HACE1: variants seen among roughly 807,000 people sequenced by gnomAD.
HACE1 encodes the protein HECT domain and ankyrin repeat containing E3 ubiquitin protein ligase 1.
Under a neutral mutation model 118.4 loss-of-function variants are expected in HACE1, and 73 were observed. The ratio of observed to expected loss-of-function variants is 0.62; its 90% CI spans 0.51 to 0.75. HACE1 has a LOEUF of 0.75. HACE1 is among the 30% of genes least tolerant of loss of function. The pLI is 0.00. For missense variants in HACE1, 749 were observed against 1,102.2 expected (o/e 0.68, Z 4.54); for synonymous variants, 368 against 374.8 (o/e 0.98, Z 0.21).
intron 22 of HACE1, among the ~76,000 whole-genome samples, chr6:104,739,097 A>C (rs1314111756): frequency 6.6e-6 from 1 of 151,982 alleles, no homozygotes; most frequent in South Asian, 2.1e-4. Flanking sequence ...GAAATAAAAT[A>C]CTTTACAGAC....
intron 19 of HACE1, among the ~76,000 whole-genome samples, chr6:104,756,478 C>A (rs956136204): frequency 4.0e-5 from 6 of 150,056 alleles, no homozygotes; most frequent in African/African-American, 1.5e-4. Context: ...ATTAAAGTCA[C>A]AAACTAGTTA....
At chr6:104,747,266 T>G (rs1270714372) in intron 20 of HACE1, among the ~76,000 whole-genome samples, 1 of 152,126 alleles carries the variant, frequency 6.6e-6, no homozygotes, top group Non-Finnish European at 1.5e-5. Flanking sequence ...CGATTCAGTG[T>G]TTTTATATTC....
chr6:104,730,333 G>T lies in HACE1; in HGVS notation c.2597C>A (p.Thr866Asn). The T allele has an allele frequency of 6.3e-7, 1 of 1,577,702 alleles. No individual in the cohort carries two copies. Among genetic ancestry groups the T allele is most frequent in the Non-Finnish European group, 8.7e-7 (1 of 1,146,762 alleles). ...QNFTIAAVPY[T>N]PNLLPTSSTC... ...GCTTGAAGTTGGTAAAAGATTTGGA[G>T]TATATGGCACAGCAGCGATTGTAAA... Residue 866 changes from threonine (T) to asparagine (N), a missense_variant, in exon 23 of 24, where the codon ACT becomes AAT. Thr to Asn is a moderately conservative substitution (Grantham distance 65). This residue lies in a region of HACE1 where 165 missense variants were observed against 229.9 expected (regional missense o/e 0.72). Coordinates refer to ENST00000262903, the MANE Select transcript of HACE1 (RefSeq NM_020771.4).
At chr6:104,845,564 T>G (rs1330310475) in intron 4 of HACE1, among the ~76,000 whole-genome samples, 1 of 147,182 alleles carries the variant, frequency 6.8e-6, no homozygotes, top group East Asian at 2.1e-4. Context: ...TGCAAGCTCC[T>G]CCTCCCAGGT....
intron 22 of HACE1, among the ~76,000 whole-genome samples, chr6:104,741,896 C>G (rs1776761326): frequency 6.6e-6 from 1 of 151,300 alleles, no homozygotes; most frequent in African/African-American, 2.4e-5. Context: ...CATCACACTA[C>G]CTGACTTCAA....
In HACE1 at chr6:104,849,364, T is replaced by C. The variant is rs904268166; in HGVS notation, c.222-118A>G. The C allele has an allele frequency of 6.8e-6, 5 of 734,214 alleles. No individual in the cohort carries two copies. In the African/African-American group the frequency reaches 8.7e-5, roughly 13 times the overall value. The allele number at this position is 734,214 out of a possible 1,614,324, so 45.5% of individuals were successfully genotyped here. On this transcript the variant is annotated intron_variant, in intron 3 of 23. Coordinates refer to ENST00000262903, the MANE Select transcript of HACE1 (RefSeq NM_020771.4). The stretch of plus-strand genomic sequence containing the variant: ...AATTTTCTTTTTGTTTTTCAGACAG[T>C]CTTGCTCTGTCGCCCATGCTGGAGT...
At chr6:104,758,825 T>C (rs558668376) in intron 19 of HACE1, among the ~76,000 whole-genome samples, 18 of 150,712 alleles carry the variant, frequency 1.2e-4, no homozygotes, top group East Asian at 2.0e-4. Flanking sequence ...AAGACACACA[T>C]AGGCTCAACA....
intron 6 of HACE1, among the ~76,000 whole-genome samples, chr6:104,818,142 A>G (rs1772307870): frequency 1.3e-5 from 2 of 152,186 alleles, no homozygotes; most frequent in Admixed American, 6.5e-5. Context: ...TATGTAATAA[A>G]AACACTGTTA....
intron 4 of HACE1, among the ~76,000 whole-genome samples, chr6:104,848,306 A>G (rs1386050869): frequency 4.0e-5 from 6 of 151,712 alleles, no homozygotes; most frequent in African/African-American, 1.4e-4. Context: ...AAATACAAAA[A>G]TTAGCTGGAC....
At chr6:104,760,385 G>T (rs1347822951) in intron 19 of HACE1, among the ~76,000 whole-genome samples, 7 of 152,142 alleles carry the variant, frequency 4.6e-5, no homozygotes, top group Non-Finnish European at 1.0e-4. Flanking sequence ...ATGCAAGGCT[G>T]GTTCAACATA....
chr6:104,759,257 C>T (rs1339214939), intron 19 of HACE1, among the ~76,000 whole-genome samples: 1 of 152,160 alleles, frequency 6.6e-6, no homozygotes, highest in East Asian at 1.9e-4. Context: ...TTCTTCTCAG[C>T]ACCACATCGC....
Position 104,785,141 on chromosome 6 carries a change from T to C in HACE1, c.1253A>G (p.Asn418Ser). The change falls in exon 12 of 24, where the codon AAT (asparagine) becomes AGT (serine). Residue 418 changes from asparagine (N) to serine (S), a missense_variant. Transcript: ENST00000262903. Reference sequence around the variant, plus strand: ...AGATTCCCTTGTGCCAGTGGACAGATTTTCATAGCTCCCAGGTCCTGGAGG... The same window carrying C: ...AGATTCCCTTGTGCCAGTGGACAGACTTTCATAGCTCCCAGGTCCTGGAGG... ...FEPPGPGSYE[N>S]LSTGTRESKP... 1 of 1,614,004 alleles carries C rather than the reference T, an allele frequency of 6.2e-7. No individual in the cohort carries two copies. The highest frequency in any genetic ancestry group is 2.2e-5 in the East Asian group (1 of 44,872).
intron 22 of HACE1, among the ~76,000 whole-genome samples, chr6:104,733,772 G>A (rs1775471524): frequency 6.6e-6 from 1 of 151,210 alleles, no homozygotes; most frequent in Admixed American, 6.6e-5. Flanking sequence ...CCCAGAAGGT[G>A]GAAGTTGCAG....
chr6:104,846,860 TAAA>T (rs1190749395), intron 4 of HACE1, among the ~76,000 whole-genome samples: 1 of 152,174 alleles, frequency 6.6e-6, no homozygotes, highest in Non-Finnish European at 1.5e-5. Context: ...CAATAAATAA[TAAA>T]AACCAAAATA....
intron 19 of HACE1, among the ~76,000 whole-genome samples, chr6:104,764,996 C>T (rs2114670110): frequency 6.6e-6 from 1 of 152,296 alleles, no homozygotes; most frequent in African/African-American, 2.4e-5. Context: ...TGAAAACCTT[C>T]CACAATTACA....
At chr6:104,852,209 G>GTGTT (rs1554264888) in intron 2 of HACE1, 108 bp downstream of exon 2, 5 of 689,700 alleles carry the variant, frequency 7.2e-6, no homozygotes, top group Admixed American at 2.1e-5. Flanking sequence ...CTGTGTGTGT[G>GTGTT]TGTGTGTGTG....
At chr6:104,775,893 T>C (rs1258758626) in intron 17 of HACE1, among the ~76,000 whole-genome samples, 1 of 152,180 alleles carries the variant, frequency 6.6e-6, no homozygotes, top group Non-Finnish European at 1.5e-5. Flanking sequence ...CATTCTCTCC[T>C]GATAAAAGAA....
At chr6:104,745,035 C>T (rs1777254388) in intron 20 of HACE1, among the ~76,000 whole-genome samples, 2 of 151,920 alleles carry the variant, frequency 1.3e-5, no homozygotes, top group Admixed American at 1.3e-4. Flanking sequence ...AAATACTTGA[C>T]TAAACAAGGG....
chr6:104,818,833 C>T (rs1772384394), intron 6 of HACE1, among the ~76,000 whole-genome samples: 4 of 151,734 alleles, frequency 2.6e-5, no homozygotes, highest in African/African-American at 7.3e-5. Flanking sequence ...AATTCAACAT[C>T]GATTTATGTT....
Sources: allele counts gnomAD v4.1 joint callset (sites outside exome capture counted in the v4.1 genomes callset), GRCh38; gene constraint gnomAD v4.1.1; regional missense constraint gnomAD v4.1.1; transcripts MANE v1.5; gene names NCBI Gene and HGNC (gene_info 2026-07-23, HGNC 2026-07-21).